FMNL3: variants seen among roughly 807,000 people sequenced by gnomAD.
FMNL3 encodes formin-like protein 3.
A neutral mutation model predicts 119.6 loss-of-function variants in FMNL3; 57 were observed. That is an observed-to-expected ratio of 0.48 (90% confidence interval 0.39 to 0.59). The LOEUF (loss-of-function observed/expected upper bound fraction) is 0.59, where lower values mean the gene tolerates loss of function less well. Ranked by LOEUF, FMNL3 falls within the 20% of genes least tolerant of loss-of-function variation. The pLI is 0.00. For missense variants in FMNL3, 1,053 were observed against 1,323.5 expected, an observed-to-expected ratio of 0.80 and a Z score of 3.17; for synonymous variants, 491 against 507.3, an observed-to-expected ratio of 0.97 and a Z score of 0.43.
chr12:49,675,635 C>T (rs775427270), intron 1 of FMNL3, among the ~76,000 whole-genome samples: 1 of 152,174 alleles, frequency 6.6e-6, no homozygotes, highest in South Asian at 2.1e-4. Flanking sequence ...CTGGGTGGGC[C>T]GTTACTGTTC....
At chr12:49,676,181 A>G (rs1251704948) in intron 1 of FMNL3, among the ~76,000 whole-genome samples, 1 of 152,194 alleles carries the variant, frequency 6.6e-6, no homozygotes, top group Non-Finnish European at 1.5e-5. Context: ...CCTCCTTAGT[A>G]GTGAACCTCC....
chr12:49,645,802 C>T lies in FMNL3; in HGVS notation c.*13G>A, dbSNP rs778206116. 1.7e-5 allele frequency: 27 copies of T among 1,594,896 alleles called. No individual in the cohort carries two copies. The South Asian group carries it at 2.3e-4, about 14-fold the overall frequency. On this transcript the variant is annotated 3_prime_UTR_variant, in exon 26 of 26. Transcript: ENST00000335154. ...ACTCTGAGGGGTGAAGTGCTTCTGC[C>T]TCCGAGAGGGTCTCAGTGGGGGCCT...
chr12:49,695,149 T>C (rs1376776894), intron 1 of FMNL3, among the ~76,000 whole-genome samples: 1 of 151,932 alleles, frequency 6.6e-6, no homozygotes, highest in African/African-American at 2.4e-5. Flanking sequence ...GAACAAAACA[T>C]TGTCTCTAAA....
rs753845877 is a variant in FMNL3, at chr12:49,644,155, G to A, written c.*1660C>T. The A allele has an allele frequency of 7.4e-6, 12 of 1,613,974 alleles. No individual in the cohort carries two copies. The highest frequency in any genetic ancestry group is 6.7e-5 in the East Asian group (3 of 44,896). The stretch of plus-strand genomic sequence containing the variant: ...AGTGAGGGTGAGCTGGAGAGGCGGC[G>A]GCGGACACTCCTACAGCAGCTGGAT... On this transcript the variant is annotated 3_prime_UTR_variant, in exon 26 of 26. Coordinates refer to ENST00000335154, the MANE Select transcript of FMNL3 (RefSeq NM_175736.5).
intron 8 of FMNL3, 57 bp downstream of exon 8, chr12:49,656,762 GGAGT>G: frequency 6.8e-7 from 1 of 1,470,058 alleles, no homozygotes; most frequent in Non-Finnish European, 9.5e-7. Context: ...AGGAATACAT[GGAGT>G]ACAGATCTCC....
intron 1 of FMNL3, among the ~76,000 whole-genome samples, chr12:49,700,026 TA>T (rs1944859764): frequency 1.3e-5 from 2 of 152,198 alleles, no homozygotes; most frequent in Non-Finnish European, 2.9e-5. Flanking sequence ...CAATTTATCC[TA>T]AGGAAATAAT....
At chr12:49,681,240 G>A (rs1023345421) in intron 1 of FMNL3, among the ~76,000 whole-genome samples, 9 of 152,204 alleles carry the variant, frequency 5.9e-5, no homozygotes, top group South Asian at 2.1e-4. Flanking sequence ...TCGCTCTGTC[G>A]CCCAGGCTGG....
At chr12:49,665,984 C>T in intron 3 of FMNL3, 76 bp from the exon 4 acceptor site, 1 of 1,560,638 alleles carries the variant, frequency 6.4e-7, no homozygotes, top group Non-Finnish European at 8.8e-7. Flanking sequence ...GCCAGCCATT[C>T]CAGGCCCTTG....
chr12:49,655,104 C>A, intron 9 of FMNL3, 120 bp from the exon 10 acceptor site: 1 of 867,906 alleles, frequency 1.2e-6, no homozygotes, highest in East Asian at 2.5e-5. Context: ...AACCACAGCT[C>A]TATATATGAA....
intron 1 of FMNL3, among the ~76,000 whole-genome samples, chr12:49,690,256 C>T (rs1467570181): frequency 1.3e-5 from 2 of 152,138 alleles, no homozygotes; most frequent in Non-Finnish European, 2.9e-5. Context: ...ATTTTGTATA[C>T]CCCCAAGTAC....
At chr12:49,646,763 A>G (rs1178159051) in intron 25 of FMNL3, 123 bp downstream of exon 25, 48 of 1,595,560 alleles carry the variant, frequency 3.0e-5, no homozygotes, top group Non-Finnish European at 3.9e-5. Context: ...ACTGTGGCCC[A>G]GGAGAGAGAC....
chr12:49,644,706 G>A lies in FMNL3; in HGVS notation c.*1109C>T, dbSNP rs1318796360. ...CCATGTGCTACTGGGGCAGGCTGGGGACTGGACACATGCCCAGCAGAGGGC... is the reference window on the plus strand; with the variant it reads ...CCATGTGCTACTGGGGCAGGCTGGGAACTGGACACATGCCCAGCAGAGGGC... On this transcript the variant is annotated 3_prime_UTR_variant, in exon 26 of 26. Transcript: ENST00000335154. 5.8e-6 allele frequency: 1 copy of A among 173,534 alleles called. No individual in the cohort carries two copies. Among genetic ancestry groups the A allele is most frequent in the Non-Finnish European group, 1.3e-5 (1 of 79,106 alleles). 10.7% of individuals were successfully genotyped at this position (173,534 alleles called of 1,614,324 possible). A position where few individuals can be genotyped will look rare whatever the true frequency, so the allele number is the denominator to read the frequency against.
chr12:49,650,057 A>G (rs1943347166), intron 17 of FMNL3, 132 bp from the exon 18 acceptor site: 2 of 714,806 alleles, frequency 2.8e-6, no homozygotes, highest in Non-Finnish European at 4.7e-6. Context: ...CAAAGGACCC[A>G]TTGCATCATC....
In FMNL3 at chr12:49,656,848, G is replaced by A; in HGVS notation, c.766C>T (p.Leu256Phe). The A allele has an allele frequency of 6.2e-7, 1 of 1,614,144 alleles. No individual in the cohort carries two copies. Among genetic ancestry groups the A allele is most frequent in the Non-Finnish European group, 8.5e-7 (1 of 1,179,996 alleles). ...SHPHAVNEIA[L>F]SLNNKNPRTK... Reference sequence around the variant, plus strand: ...CTTGGATTCTTGTTATTGAGGCTAAGTGCAATCTCATTGACAGCATGGGGG... The same window carrying A: ...CTTGGATTCTTGTTATTGAGGCTAAATGCAATCTCATTGACAGCATGGGGG... The change falls in exon 8 of 26, where the codon CTT becomes TTT. Residue 256 changes from leucine to phenylalanine, a missense_variant. Around this residue, in one of 4 missense-constraint regions of FMNL3, gnomAD observed 445 missense variants for 628.4 expected, o/e 0.71. Transcript: ENST00000335154.
rs1942794206 is a variant in FMNL3, at chr12:49,642,381, C to T, written c.*3434G>A. The T allele has an allele frequency of 5.0e-6, 8 of 1,613,050 alleles. No homozygotes were observed. Among genetic ancestry groups the T allele is most frequent in the East Asian group, 2.2e-5 (1 of 44,848 alleles). On this transcript the variant is annotated 3_prime_UTR_variant, in exon 26 of 26. Coordinates refer to ENST00000335154, the MANE Select transcript of FMNL3 (RefSeq NM_175736.5). This position sits in a 1 kb window ranked among gnomAD's most constrained non-coding sequence, Gnocchi z 5.8. ...GCACTGCCTGGGAAGAGGTCAGGAG[C>T]GTAGCCTGGCCCCAAGCACCCCTCA...
chr12:49,685,290 G>A (rs527682176), intron 1 of FMNL3, among the ~76,000 whole-genome samples: 1 of 152,204 alleles, frequency 6.6e-6, no homozygotes, highest in South Asian at 2.1e-4. Context: ...TTCGAGACCA[G>A]CCTAAGCTGC....
chr12:49,648,164 T>G, intron 22 of FMNL3, 29 bp downstream of exon 22: 4 of 1,598,738 alleles, frequency 2.5e-6, no homozygotes, highest in Non-Finnish European at 3.4e-6. Flanking sequence ...TGGCCCTGGT[T>G]GCTCCCACCG....
intron 2 of FMNL3, among the ~76,000 whole-genome samples, chr12:49,666,905 T>A (rs1466695360): frequency 6.6e-6 from 1 of 152,102 alleles, no homozygotes; most frequent in Admixed American, 6.5e-5. Context: ...CTTTGTAGAA[T>A]CCAACTTTCT....
rs774871912 is a variant in FMNL3 at position 49,666,106 on chromosome 12, ACT to A, written c.291+19_291+20del. 3.1e-6 allele frequency: 5 copies of A among 1,610,284 alleles called. No individual in the cohort carries two copies. The highest frequency in any genetic ancestry group is 3.3e-4 in the Middle Eastern group (2 of 6,050). On this transcript the variant is annotated intron_variant, in intron 3 of 25. Coordinates refer to ENST00000335154, the MANE Select transcript of FMNL3 (RefSeq NM_175736.5). Reference sequence around the variant, plus strand: ...GACTATAAAGGGTGGCAAGACGGGGACTCTCTGCCTCATACTTCACCTTCCGA... The same window carrying A: ...GACTATAAAGGGTGGCAAGACGGGGACTCTGCCTCATACTTCACCTTCCGA...
Sources: allele counts gnomAD v4.1 joint callset (sites outside exome capture counted in the v4.1 genomes callset), GRCh38; gene constraint gnomAD v4.1.1; regional missense constraint gnomAD v4.1.1; non-coding constraint Gnocchi (gnomAD v3.1); transcripts MANE v1.5; gene names NCBI Gene and HGNC (gene_info 2026-07-23, HGNC 2026-07-21).